Variants in APLF observed in about 807,000 individuals in gnomAD.
APLF encodes aprataxin and PNK-like factor.
In APLF, 61 loss-of-function variants were observed where a neutral mutation model predicts 55.6. The observed-to-expected ratio is 1.10, with a 90% CI of 0.89 to 1.36. APLF has a LOEUF of 1.36. Ranked by LOEUF, APLF falls within the 40% of genes most tolerant of loss-of-function variation. The probability of loss-of-function intolerance (pLI) is 0.00; values close to 1 mark genes in which losing one functional copy is unlikely to be tolerated. For synonymous variants in APLF, 207 were observed against 214.8 expected (o/e 0.96, Z 0.32); for missense variants, 611 against 602.5 (o/e 1.01, Z -0.15).
chr2:68,503,811 A>C (rs1676795966), intron 3 of APLF, among the ~76,000 whole-genome samples: 1 of 152,082 alleles, frequency 6.6e-6, no homozygotes, highest in African/African-American at 2.4e-5. Flanking sequence ...ACAAAAAGCA[A>C]ATTAATCCCA....
At chr2:68,533,794 C>T (rs1402665572) in intron 6 of APLF, among the ~76,000 whole-genome samples, 2 of 152,136 alleles carry the variant, frequency 1.3e-5, no homozygotes, top group Non-Finnish European at 2.9e-5. Flanking sequence ...TCTTTTAAGG[C>T]CTAGAACTGG....
At chr2:68,485,523 C>T (rs1178674343) in intron 1 of APLF, among the ~76,000 whole-genome samples, 1 of 152,100 alleles carries the variant, frequency 6.6e-6, no homozygotes, top group East Asian at 1.9e-4. Flanking sequence ...CTACCATTTC[C>T]TTTGTCAGTA....
intron 3 of APLF, among the ~76,000 whole-genome samples, chr2:68,510,347 A>G (rs1221524049): frequency 6.6e-6 from 1 of 151,860 alleles, no homozygotes; most frequent in African/African-American, 2.4e-5. Flanking sequence ...AAGGCAAACA[A>G]CCCAATTTTA....
intron 7 of APLF, among the ~76,000 whole-genome samples, chr2:68,539,979 T>C (rs1318981588): frequency 6.6e-6 from 1 of 152,202 alleles, no homozygotes; most frequent in East Asian, 1.9e-4. Flanking sequence ...GACATGATTG[T>C]ATAATTTTGA....
intron 5 of APLF, among the ~76,000 whole-genome samples, chr2:68,516,322 G>T (rs1379147814): frequency 6.6e-6 from 1 of 151,478 alleles, no homozygotes; most frequent in Non-Finnish European, 1.5e-5. Context: ...ATCTCTCCTG[G>T]ATCATCTCTC....
chr2:68,574,648 T>TA (rs1671572476), intron 9 of APLF, among the ~76,000 whole-genome samples: 1 of 152,214 alleles, frequency 6.6e-6, no homozygotes, highest in African/African-American at 2.4e-5. Context: ...AAGGTAAACA[T>TA]AAAATGTAAG....
chr2:68,553,088 C>G (rs570956453), intron 8 of APLF, among the ~76,000 whole-genome samples: 1 of 152,224 alleles, frequency 6.6e-6, no homozygotes, highest in African/African-American at 2.4e-5. Flanking sequence ...TCTCTTCCCT[C>G]CTCGAGACCA....
At chr2:68,518,769 A>AATATATCATTATATAATAAAATATTAATC in intron 5 of APLF, among the ~76,000 whole-genome samples, 1 of 112,832 alleles carries the variant, frequency 8.9e-6, no homozygotes, top group Non-Finnish European at 1.6e-5. Context: ...AAATATTAAT[A>AATATATCATTATATAATAAAATATTAATC]ATATATCATT....
Position 68,529,508 on chromosome 2 carries a change from A to T in APLF, c.804+3266A>T. 5.9e-6 allele frequency: 6 copies of T among 1,017,060 alleles called. No homozygotes were observed. The highest frequency in any genetic ancestry group is 7.1e-6 in the Non-Finnish European group (6 of 842,652). 63.0% of individuals were successfully genotyped at this position (1,017,060 alleles called of 1,614,324 possible). On this transcript the variant is annotated intron_variant, in intron 6 of 9. Transcript: ENST00000303795. This position sits in a 1 kb window ranked among gnomAD's most constrained non-coding sequence, Gnocchi z 4.4. Reference sequence around the variant, plus strand: ...AGACGAAACTAAGGGTCAGAAGCGGAGAGGATACTCCTAAGTCACCCACTT... The same window carrying T: ...AGACGAAACTAAGGGTCAGAAGCGGTGAGGATACTCCTAAGTCACCCACTT...
At position 68,578,169 on chromosome 2, in the gene APLF, A is replaced by G. The variant is rs753732107; in HGVS notation, c.*147A>G. ...ACTACTGACTCTTTACAAATGAGAC[A>G]TTGAAACGTCAGCCTTCAGTATAAT... On this transcript the variant is annotated 3_prime_UTR_variant, in exon 10 of 10. Coordinates refer to ENST00000303795, the MANE Select transcript of APLF (RefSeq NM_173545.3). 4.2e-6 allele frequency: 6 copies of G among 1,415,262 alleles called. No homozygotes were observed. In the South Asian group the frequency reaches 4.7e-5, roughly 11 times the overall value. The allele number at this position is 1,415,262 out of a possible 1,614,324, so 87.7% of individuals were successfully genotyped here.
At chr2:68,520,980 T>C (rs1457433354) in intron 5 of APLF, among the ~76,000 whole-genome samples, 1 of 152,100 alleles carries the variant, frequency 6.6e-6, no homozygotes, top group Non-Finnish European at 1.5e-5. Context: ...GTTTGTGTCA[T>C]CTATGATTTC....
intron 6 of APLF, chr2:68,528,830 T>C: frequency 6.7e-7 from 1 of 1,501,280 alleles, no homozygotes; most frequent in Non-Finnish European, 9.0e-7. Context: ...GCTCTTGAGG[T>C]GGACATTTCC....
At chr2:68,534,144 A>C (rs1444595196) in intron 6 of APLF, among the ~76,000 whole-genome samples, 2 of 152,190 alleles carry the variant, frequency 1.3e-5, no homozygotes, top group Admixed American at 6.5e-5. Context: ...AAGGAGTAAA[A>C]AGCTTCTAAA....
chr2:68,507,504 A>G (rs1359565239), intron 3 of APLF, among the ~76,000 whole-genome samples: 1 of 151,988 alleles, frequency 6.6e-6, no homozygotes, highest in African/African-American at 2.4e-5. Context: ...TTTTCTCTAC[A>G]TATGTGTCTA....
intron 2 of APLF, among the ~76,000 whole-genome samples, chr2:68,501,769 T>C (rs1056475244): frequency 6.6e-6 from 1 of 152,178 alleles, no homozygotes; most frequent in Non-Finnish European, 1.5e-5. Context: ...AATAAGACAA[T>C]TCCTCTTTCA....
At chr2:68,518,209 T>C (rs1270393406) in intron 5 of APLF, among the ~76,000 whole-genome samples, 74 of 121,450 alleles carry the variant, frequency 6.1e-4, no homozygotes, top group African/African-American at 2.3e-3. Flanking sequence ...TATATAATAA[T>C]ATATCGTTAA....
chr2:68,528,126 C>G (rs1462014884), intron 6 of APLF: 1 of 584,820 alleles, frequency 1.7e-6, no homozygotes, highest in Non-Finnish European at 3.0e-6. Context: ...GTGCTCCTCA[C>G]TTCCCAGATG....
At chr2:68,568,341 T>G in intron 9 of APLF, 1 of 981,578 alleles carries the variant, frequency 1.0e-6, no homozygotes, top group Non-Finnish European at 1.2e-6. Flanking sequence ...AACAGCTGAC[T>G]TGTAATCAAG....
intron 5 of APLF, among the ~76,000 whole-genome samples, chr2:68,521,921 T>C (rs1007872728): frequency 1.3e-5 from 2 of 152,026 alleles, no homozygotes; most frequent in African/African-American, 4.8e-5. Flanking sequence ...TACATTTATG[T>C]AAAGTGCTAG....
Sources: allele counts gnomAD v4.1 joint callset (sites outside exome capture counted in the v4.1 genomes callset), GRCh38; gene constraint gnomAD v4.1.1; non-coding constraint Gnocchi (gnomAD v3.1); transcripts MANE v1.5; gene names NCBI Gene and HGNC (gene_info 2026-07-23, HGNC 2026-07-21).